GPRC5D: variants seen among roughly 807,000 people sequenced by gnomAD.
The protein encoded by GPRC5D is G protein-coupled receptor class C group 5 member D, also known as G protein-coupled receptor family C group 5 member D.
A neutral mutation model predicts 29.3 loss-of-function variants in GPRC5D; 20 were observed. The ratio of observed to expected loss-of-function variants is 0.68; its 90% CI spans 0.48 to 0.99. The LOEUF (loss-of-function observed/expected upper bound fraction) is 0.99, where lower values mean the gene tolerates loss of function less well. Ranked by LOEUF, GPRC5D falls within the 50% of genes least tolerant of loss-of-function variation. The pLI, the probability that GPRC5D is intolerant of heterozygous loss-of-function variation, is 0.00. For synonymous variants in GPRC5D, 178 were observed against 171.3 expected, an observed-to-expected ratio of 1.04 and a Z score of -0.30; for missense variants, 384 against 423.6, an observed-to-expected ratio of 0.91 and a Z score of 0.82.
At chr12:12,945,721 CTTCAT>C (rs1863297836) in intron 1 of GPRC5D, among the ~76,000 whole-genome samples, 1 of 152,116 alleles carries the variant, frequency 6.6e-6, no homozygotes, top group African/African-American at 2.4e-5. Flanking sequence ...ATTTTAATTG[CTTCAT>C]TTCATGTACA....
intron 1 of GPRC5D, among the ~76,000 whole-genome samples, chr12:12,945,170 AT>A (rs1323715059): frequency 6.6e-5 from 10 of 151,214 alleles, no homozygotes; most frequent in Non-Finnish European, 1.5e-5. Context: ...CGCCCAGCAA[AT>A]TTTTTGTATT....
At chr12:12,947,766 A>T (rs1228386807) in intron 1 of GPRC5D, among the ~76,000 whole-genome samples, 1 of 152,120 alleles carries the variant, frequency 6.6e-6, no homozygotes, top group African/African-American at 2.4e-5. Context: ...CATGTCGCCC[A>T]GGCTGGTCTT....
Position 12,950,262 on chromosome 12 carries a change from G to A in GPRC5D, c.123C>T (p.Leu41=), listed in dbSNP as rs150759739. ...TTCGCATGAGGAAGAGAAATGCTAA[G>A]AGTAGCAGAATTGTGACCACGATGC... The change falls in exon 1 of 3, where the codon CTC becomes CTT. Residue 41 remains leucine, a synonymous_variant. Transcript: ENST00000228887. 5.4e-4 allele frequency: 866 copies of A among 1,614,000 alleles called. 4 individuals carry two copies. In the African/African-American group the frequency reaches 0.01, roughly 19 times the overall value.
chr12:12,951,252 TGAA>T (rs1284901029), upstream of GPRC5D, among the ~76,000 whole-genome samples: 1 of 152,218 alleles, frequency 6.6e-6, no homozygotes, highest in Non-Finnish European at 1.5e-5. Context: ...CATTCTGAAA[TGAA>T]GACACCTGGG....
At chr12:12,944,837 CCT>C (rs1491303749) in intron 1 of GPRC5D, among the ~76,000 whole-genome samples, 549 of 20,412 alleles carry the variant, frequency 0.027, 68 homozygotes, top group Middle Eastern at 0.088. Flanking sequence ...TTCCTTCCTT[CCT>C]TCCTTCCTTC....
At chr12:12,947,695 G>C (rs369636157) in intron 1 of GPRC5D, among the ~76,000 whole-genome samples, 1 of 152,104 alleles carries the variant, frequency 6.6e-6, no homozygotes, top group African/African-American at 2.4e-5. Flanking sequence ...CTCCTGAGTA[G>C]CTGGGGCCAC....
At chr12:12,946,096 C>T (rs1863306785) in intron 1 of GPRC5D, among the ~76,000 whole-genome samples, 2 of 152,060 alleles carry the variant, frequency 1.3e-5, no homozygotes, top group South Asian at 2.1e-4. Flanking sequence ...ATTCTTAATC[C>T]CCTTTGCTGA....
In GPRC5D at chr12:12,946,523, C is replaced by T. The variant is rs149110987; in HGVS notation, c.895+2967G>A. On this transcript the variant is annotated intron_variant, in intron 1 of 2. Transcript: ENST00000228887. ...AGGCTGGAGAGCATTGGTGTGATCT[C>T]GGCTCACTGCAACCTCTGCCTCCCA... is the stretch of plus-strand genomic sequence containing the variant. Among the ~76,000 whole-genome samples the T allele has an allele frequency of 4.5e-3, 670 of 150,504 alleles. 3 individuals are homozygous for T. The highest frequency in any genetic ancestry group is 0.024 in the Middle Eastern group (7 of 292).
At position 12,944,659 on chromosome 12, in the gene GPRC5D, C is replaced by A. The variant is rs145873357; in HGVS notation, c.896-2331G>T. ...ATATAGACTCATTGATTATCTAATGCCTTCAAAAAGAATCATATGAGGTTT... is the reference window on the plus strand; with the variant it reads ...ATATAGACTCATTGATTATCTAATGACTTCAAAAAGAATCATATGAGGTTT... On this transcript the variant is annotated intron_variant, in intron 1 of 2. Transcript: ENST00000228887. Among the ~76,000 whole-genome samples the A allele has an allele frequency of 1.8e-3, 276 of 151,924 alleles. 1 individual carries two copies. The highest frequency in any genetic ancestry group is 6.4e-3 in the African/African-American group (266 of 41,482).
At chr12:12,946,285 TTCC>T (rs780012982) in intron 1 of GPRC5D, among the ~76,000 whole-genome samples, 21,369 of 95,260 alleles carry the variant, frequency 0.22, 1,813 homozygotes, top group East Asian at 0.31. Flanking sequence ...CCTTCCTTCC[TTCC>T]TTTCTTCCTT....
Position 12,944,798 on chromosome 12 carries a change from TTCCCTTCC to T in GPRC5D, c.896-2478_896-2471del, listed in dbSNP as rs1863238596. Among the ~76,000 whole-genome samples the T allele has an allele frequency of 6.8e-5, 2 of 29,498 alleles. 1 individual carries two copies. The highest frequency in any genetic ancestry group is 1.5e-4 in the African/African-American group (2 of 13,652). The allele number at this position is 29,498 out of a possible 152,430, so 19.4% of individuals were successfully genotyped here. A position where few individuals can be genotyped will look rare whatever the true frequency, so the allele number is the denominator to read the frequency against. Reference sequence around the variant, plus strand: ...CTTCCTTCCTTCCTTCCTTCCTTCCTTCCCTTCCTTCCTTCCTTCCTTCCTTCCTTCCT... The same window carrying T: ...CTTCCTTCCTTCCTTCCTTCCTTCCTTTCCTTCCTTCCTTCCTTCCTTCCT... On this transcript the variant is annotated intron_variant, in intron 1 of 2. Coordinates refer to ENST00000228887, the Ensembl canonical transcript of GPRC5D.
Position 12,942,230 on chromosome 12 carries a change from C to T in GPRC5D, c.963+31G>A, listed in dbSNP as rs746582469. On this transcript the variant is annotated intron_variant, in intron 2 of 2. Coordinates refer to ENST00000228887, the Ensembl canonical transcript of GPRC5D. ...TAAGGAAGGAATGCTTGCTAAGTCC[C>T]TCCTGGGTGAATATAGGCGAGTACA... The T allele has an allele frequency of 4.9e-6, 7 of 1,421,636 alleles. No homozygotes were observed. The South Asian group carries it at 8.1e-5, about 16-fold the overall frequency. 88.1% of individuals were successfully genotyped at this position (1,421,636 alleles called of 1,614,324 possible).
chr12:12,951,287 C>A (rs1863489527), upstream of GPRC5D, among the ~76,000 whole-genome samples: 1 of 152,168 alleles, frequency 6.6e-6, no homozygotes, highest in African/African-American at 2.4e-5. Context: ...AATGTCCTTA[C>A]CAAAATTGTT....
chr12:12,942,407 T>G lies in GPRC5D; in HGVS notation c.896-79A>C, dbSNP rs80242374. 1,668 of 889,070 alleles carry G rather than the reference T, an allele frequency of 1.9e-3. 20 individuals carry two copies. In the African/African-American group the frequency reaches 0.025, roughly 13 times the overall value. 55.1% of individuals were successfully genotyped at this position (889,070 alleles called of 1,614,324 possible). ...CAGCACATGAGGACTACAGGAAAAC[T>G]CCATGGCTTGCAAACAGGCTCTTCA... On this transcript the variant is annotated intron_variant, in intron 1 of 2. Transcript: ENST00000228887.
At position 12,944,772 on chromosome 12, in the gene GPRC5D, T is replaced by TCTTC. The variant is rs1329794496; in HGVS notation, c.896-2448_896-2445dup. On this transcript the variant is annotated intron_variant, in intron 1 of 2. Coordinates refer to ENST00000228887, the Ensembl canonical transcript of GPRC5D. The stretch of plus-strand genomic sequence containing the variant: ...TCCTTCCTTCCTTTCTTCCTTCCTT[T>TCTTC]CTTCCTTCCTTCCTTCCTTCCTTCC... Among the ~76,000 whole-genome samples the TCTTC allele has an allele frequency of 1.8e-3, 47 of 25,438 alleles. 2 individuals are homozygous for TCTTC. Among genetic ancestry groups the TCTTC allele is most frequent in the African/African-American group, 3.4e-3 (45 of 13,222 alleles). The allele number at this position is 25,438 out of a possible 152,430, so 16.7% of individuals were successfully genotyped here.
At chr12:12,945,700 T>C (rs1209587486) in intron 1 of GPRC5D, among the ~76,000 whole-genome samples, 1 of 152,234 alleles carries the variant, frequency 6.6e-6, no homozygotes, top group Non-Finnish European at 1.5e-5. Context: ...TACATCTCTA[T>C]TTTATTTTGC....
upstream of GPRC5D, among the ~76,000 whole-genome samples, chr12:12,951,950 T>C (rs774726202): frequency 8.6e-5 from 13 of 151,940 alleles, no homozygotes; most frequent in Non-Finnish European, 1.8e-4. Context: ...TTGACTGAGG[T>C]AGCCTAGGAA....
chr12:12,944,216 C>T (rs1157256914), intron 1 of GPRC5D, among the ~76,000 whole-genome samples: 1 of 152,108 alleles, frequency 6.6e-6, no homozygotes, highest in East Asian at 1.9e-4. Flanking sequence ...TGATCCATCT[C>T]ACGGCCTCTT....
In GPRC5D at chr12:12,944,957, CCTTTTCTTT is replaced by C. The variant is rs1863271688; in HGVS notation, c.896-2638_896-2630del. Among the ~76,000 whole-genome samples the C allele has an allele frequency of 3.5e-5, 5 of 141,186 alleles. No individual in the cohort carries two copies. In the South Asian group the frequency reaches 1.2e-3, roughly 33 times the overall value. The allele number at this position is 141,186 out of a possible 152,430, so 92.6% of individuals were successfully genotyped here. On this transcript the variant is annotated intron_variant, in intron 1 of 2. Coordinates refer to ENST00000228887, the Ensembl canonical transcript of GPRC5D. The stretch of plus-strand genomic sequence containing the variant: ...TTCTTCCCTTTCTTTCCTTTTCTTT[CCTTTTCTTT>C]CCTTTTCTTTTTCTCTCTCTCTCTT...
Sources: gnomAD v4.1 joint callset for allele counts (sites outside exome capture counted in the v4.1 genomes callset) on GRCh38, gnomAD v4.1.1 for gene constraint, MANE v1.5 for transcripts, NCBI Gene and HGNC (gene_info 2026-07-23, HGNC 2026-07-21) for gene names.